MEST: variants seen among roughly 807,000 people sequenced by gnomAD.
MEST encodes the protein mesoderm specific transcript, also known as mesoderm-specific transcript homolog protein.
Under a neutral mutation model 50.9 loss-of-function variants are expected in MEST, and 18 were observed. That is an observed-to-expected ratio of 0.35 (90% CI 0.24 to 0.52). The LOEUF is 0.52. Among genes scored for constraint, MEST ranks in the 20% least tolerant of loss-of-function variants. The pLI, the probability that MEST is intolerant of heterozygous loss-of-function variation, is 0.94. For synonymous variants in MEST, 130 were observed against 154.1 expected, an observed-to-expected ratio of 0.84 and a Z score of 1.16; for missense variants, 282 against 425.3, an observed-to-expected ratio of 0.66 and a Z score of 2.96.
chr7:130,498,973 CT>C (rs1332483878), intron 6 of MEST, among the ~76,000 whole-genome samples: 1 of 152,294 alleles, frequency 6.6e-6, no homozygotes, highest in South Asian at 2.1e-4. Context: ...TTCTTGGAAA[CT>C]GTGACTTTAA....
At chr7:130,490,389 G>A (rs912348040), upstream of MEST, among the ~76,000 whole-genome samples, 4 of 152,092 alleles carry the variant, frequency 2.6e-5, no homozygotes, top group Non-Finnish European at 5.9e-5. Context: ...CGTCCCCTCC[G>A]GCTGGAATGT....
In MEST at chr7:130,500,585, T is replaced by A; in HGVS notation, c.647+53T>A. The A allele has an allele frequency of 6.5e-7, 1 of 1,546,340 alleles. No homozygotes were observed. Among genetic ancestry groups the A allele is most frequent in the Non-Finnish European group, 8.9e-7 (1 of 1,128,668 alleles). Reference sequence around the variant, plus strand: ...CTAGAGCAATGTCGTGAAAAGTTGCTGCCATTACAATTCTGGGCCAAATCC... The same window carrying A: ...CTAGAGCAATGTCGTGAAAAGTTGCAGCCATTACAATTCTGGGCCAAATCC... On this transcript the variant is annotated intron_variant, in intron 8 of 11. Transcript: ENST00000223215. This position sits in a 1 kb window ranked among gnomAD's most constrained non-coding sequence, Gnocchi z 5.0.
chr7:130,505,157 A>AT lies in MEST; in HGVS notation c.*102dup. The stretch of plus-strand genomic sequence containing the variant: ...CCAAAAGAGGTCCTGGCCATCAAAC[A>AT]TAATTCTCTCACAAAGTCCACTTTA... On this transcript the variant is annotated 3_prime_UTR_variant, in exon 12 of 12. Coordinates refer to ENST00000223215, the MANE Select transcript of MEST (RefSeq NM_002402.4). The AT allele has an allele frequency of 1.1e-6, 1 of 882,906 alleles. No homozygotes were observed. The allele number at this position is 882,906 out of a possible 1,614,324, so 54.7% of individuals were successfully genotyped here.
chr7:130,486,749 C>T (rs1241343675), intron 1 of MEST: 9 of 152,268 alleles, frequency 5.9e-5, no homozygotes, highest in Admixed American at 5.9e-4. Context: ...CGTTAGCTGG[C>T]TCCACCCGCC....
At chr7:130,499,818 A>AT in intron 6 of MEST, 57 bp from the exon 7 acceptor site, 2 of 1,393,314 alleles carry the variant, frequency 1.4e-6, no homozygotes, top group African/African-American at 1.5e-5. Context: ...TCCCGTCTCT[A>AT]TAAAAAAAAA....
chr7:130,500,537 G>A lies in MEST; in HGVS notation c.647+5G>A. The stretch of plus-strand genomic sequence containing the variant: ...CTTCTTTGTATTCTCTCGAGGGTAA[G>A]TGTCACTGTCAAAGATTGTGGCCTA... On this transcript the variant is annotated splice_donor_5th_base_variant and intron_variant, in intron 8 of 11. Transcript: ENST00000223215. The surrounding 1 kb of genome is among the most constrained non-coding windows in gnomAD (Gnocchi z 5.0). 6.2e-7 allele frequency: 1 copy of A among 1,612,132 alleles called. No homozygotes were observed. Among genetic ancestry groups the A allele is most frequent in the Non-Finnish European group, 8.5e-7 (1 of 1,178,998 alleles).
rs1799180255 is a variant in MEST, at chr7:130,499,102, T to C, written c.535+625T>C. 2.0e-5 allele frequency among the ~76,000 whole-genome samples: 3 copies of C among 152,230 alleles called. No homozygotes were observed. The South Asian group carries it at 6.2e-4, about 32-fold the overall frequency. On this transcript the variant is annotated intron_variant, in intron 6 of 11. Transcript: ENST00000223215. ...AGCCGAAGTTTCCAAGAACCTATCC[T>C]GATGTTAAGTGAGGACTTAACTGTA... is the stretch of plus-strand genomic sequence containing the variant.
At chr7:130,488,669 A>G (rs1397629627), upstream of MEST, 1 of 152,258 alleles carries the variant, frequency 6.6e-6, no homozygotes, top group African/African-American at 2.4e-5. Flanking sequence ...ATGTTGGGTG[A>G]AGATCCATGC....
Position 130,497,198 on chromosome 7 carries a change from T to A in MEST, c.224T>A (p.Leu75Ter). Reference sequence around the variant, plus strand: ...GGAAGTCCAGAGATAGTTGTGCTTTTACACGGTTTTCCAACATCCAGCTAC... The same window carrying A: ...GGAAGTCCAGAGATAGTTGTGCTTTAACACGGTTTTCCAACATCCAGCTAC... The part of the protein sequence containing the change: ...VVGSPEIVVL[L>*]HGFPTSSYDW... Residue 75 changes from leucine to a stop codon, truncating the protein, a stop_gained, in exon 3 of 12, where the codon TTA (leucine) becomes TAA (stop). Coordinates refer to ENST00000223215, the MANE Select transcript of MEST (RefSeq NM_002402.4). LOFTEE classifies it high-confidence loss of function. This position sits in a 1 kb window ranked among gnomAD's most constrained non-coding sequence, Gnocchi z 4.0. The A allele has an allele frequency of 6.2e-7, 1 of 1,613,506 alleles. No homozygotes were observed. Among genetic ancestry groups the A allele is most frequent in the Non-Finnish European group, 8.5e-7 (1 of 1,179,716 alleles).
chr7:130,488,229 G>A (rs1258244521), upstream of MEST: 1 of 152,174 alleles, frequency 6.6e-6, no homozygotes, highest in Admixed American at 6.5e-5. Flanking sequence ...GGGTTACCCA[G>A]CCCCCAGTGG....
intron 10 of MEST, 55 bp downstream of exon 10, chr7:130,502,775 T>C (rs1799323587): frequency 2.3e-6 from 3 of 1,285,538 alleles, no homozygotes; most frequent in Non-Finnish European, 3.4e-6. Flanking sequence ...GTTAAAGTAA[T>C]CGCAACTCCT....
chr7:130,492,182 G>A lies in MEST; in HGVS notation c.-132G>A, dbSNP rs1197810099. The A allele has an allele frequency of 1.6e-6, 1 of 640,702 alleles. No individual in the cohort carries two copies. The highest frequency in any genetic ancestry group is 2.1e-6 in the Non-Finnish European group (1 of 467,550). 39.7% of individuals were successfully genotyped at this position (640,702 alleles called of 1,614,324 possible). A position where few individuals can be genotyped will look rare whatever the true frequency, so the allele number is the denominator to read the frequency against. On this transcript the variant is annotated 5_prime_UTR_variant, in exon 1 of 12. Transcript: ENST00000223215. The surrounding 1 kb of genome is among the most constrained non-coding windows in gnomAD (Gnocchi z 7.6). ...ACGCCGGAGTGGCTGTAGCTGCCCG[G>A]CGCGGCGCCGCCCTGCGCGGGCTGT...
In MEST at chr7:130,498,021, G is replaced by C; in HGVS notation, c.339+8G>C. The C allele has an allele frequency of 1.2e-6, 2 of 1,614,216 alleles. No homozygotes were observed. The highest frequency in any genetic ancestry group is 1.7e-6 in the Non-Finnish European group (2 of 1,180,036). ...GGCTTCAGTGACAAACCGGTAAGCA[G>C]CACCTATGTGGGGCTGGTGATGGGG... On this transcript the variant is annotated splice_region_variant and intron_variant, in intron 4 of 11. Coordinates refer to ENST00000223215, the MANE Select transcript of MEST (RefSeq NM_002402.4).
At chr7:130,498,537 C>T (rs781904951) in intron 6 of MEST, 60 bp downstream of exon 6, 16 of 1,407,208 alleles carry the variant, frequency 1.1e-5, no homozygotes, top group Non-Finnish European at 1.5e-5. Flanking sequence ...TCTTTAGATA[C>T]AGCGGCACCT....
intron 1 of MEST, 56 bp from the exon 2 acceptor site, chr7:130,495,312 A>G (rs2116250849): frequency 6.5e-7 from 1 of 1,530,666 alleles, no homozygotes. Context: ...TTTGGTTTGT[A>G]GATGAGTGGA....
At position 130,503,923 on chromosome 7, in the gene MEST, T is replaced by C. The variant is rs774992740; in HGVS notation, c.827-10T>C. ...GCTGTTAAGTATTTCATTCCTTTTC[T>C]CTTTTCTAGTTCATTTTATCTATGG... On this transcript the variant is annotated splice_polypyrimidine_tract_variant and intron_variant, in intron 10 of 11. Coordinates refer to ENST00000223215, the MANE Select transcript of MEST (RefSeq NM_002402.4). 6.8e-5 allele frequency: 110 copies of C among 1,608,094 alleles called. No individual in the cohort carries two copies. The highest frequency in any genetic ancestry group is 8.6e-5 in the Non-Finnish European group (101 of 1,174,820).
At chr7:130,490,534 G>A (rs568292031), upstream of MEST, among the ~76,000 whole-genome samples, 1 of 152,278 alleles carries the variant, frequency 6.6e-6, no homozygotes, top group Non-Finnish European at 1.5e-5. Context: ...CAGCTTTGTG[G>A]CCGGCACCGT....
At position 130,500,898 on chromosome 7, in the gene MEST, G is replaced by C; in HGVS notation, c.749+8G>C. The stretch of plus-strand genomic sequence containing the variant: ...GAACTTAGTCATTGACAGGTAAGAA[G>C]TTACCCTTTGCTTTGGTTTCCAGAG... On this transcript the variant is annotated splice_region_variant and intron_variant, in intron 9 of 11. Coordinates refer to ENST00000223215, the MANE Select transcript of MEST (RefSeq NM_002402.4). The surrounding 1 kb of genome is among the most constrained non-coding windows in gnomAD (Gnocchi z 5.0). 1 of 1,611,212 alleles carries C rather than the reference G, an allele frequency of 6.2e-7. No homozygotes were observed. The highest frequency in any genetic ancestry group is 8.5e-7 in the Non-Finnish European group (1 of 1,178,276).
rs1798863298 is a variant in MEST, at chr7:130,492,468, A to G, written c.26+129A>G. ...GGCGAAAACTCTACCGACAGGCGGC[A>G]CGCATTCCGCGCCCGCTCTGCCTAC... On this transcript the variant is annotated intron_variant, in intron 1 of 11. Coordinates refer to ENST00000223215, the MANE Select transcript of MEST (RefSeq NM_002402.4). The surrounding 1 kb of genome is among the most constrained non-coding windows in gnomAD (Gnocchi z 7.6). 1.3e-6 allele frequency: 1 copy of G among 779,486 alleles called. No individual in the cohort carries two copies. The highest frequency in any genetic ancestry group is 6.2e-5 in the South Asian group (1 of 16,030). The allele number at this position is 779,486 out of a possible 1,614,324, so 48.3% of individuals were successfully genotyped here. A position where few individuals can be genotyped will look rare whatever the true frequency, so the allele number is the denominator to read the frequency against.
Sources: gnomAD v4.1 joint callset for allele counts (sites outside exome capture counted in the v4.1 genomes callset) on GRCh38, gnomAD v4.1.1 for gene constraint, Gnocchi (gnomAD v3.1) non-coding constraint, MANE v1.5 for transcripts, NCBI Gene and HGNC (gene_info 2026-07-23, HGNC 2026-07-21) for gene names.